The following FBXW11 variants were observed in gnomAD, a reference collection of about 807,000 sequenced individuals.
FBXW11 encodes F-box/WD repeat-containing protein 11.
In FBXW11, 19 loss-of-function variants were observed where a neutral mutation model predicts 77.6. The observed-to-expected ratio is 0.24, with a 90% CI of 0.17 to 0.36. The LOEUF is 0.36. Among genes scored for constraint, FBXW11 ranks in the 10% least tolerant of loss-of-function variants. The probability of loss-of-function intolerance (pLI) is 1.00; values close to 1 mark genes in which losing one functional copy is unlikely to be tolerated. For synonymous variants in FBXW11, 235 were observed against 249.4 expected, an observed-to-expected ratio of 0.94 and a Z score of 0.54; for missense variants, 334 against 704.2, an observed-to-expected ratio of 0.47 and a Z score of 5.95.
chr5:171,949,114 A>G (rs991636103), intron 2 of FBXW11, among the ~76,000 whole-genome samples: 2 of 152,256 alleles, frequency 1.3e-5, no homozygotes, highest in African/African-American at 4.8e-5. Context: ...TTCAAAGTCC[A>G]TATCATCAGT....
intron 1 of FBXW11, among the ~76,000 whole-genome samples, chr5:171,988,583 G>A (rs1436893718): frequency 6.6e-6 from 1 of 152,190 alleles, no homozygotes; most frequent in Non-Finnish European, 1.5e-5. Context: ...GGTGGCTCAC[G>A]CCTGTAATCG....
At chr5:171,913,842 C>CAT (rs1247768263) in intron 3 of FBXW11, among the ~76,000 whole-genome samples, 1 of 150,294 alleles carries the variant, frequency 6.7e-6, no homozygotes, top group African/African-American at 2.4e-5. Context: ...CACACACACA[C>CAT]ACACACACAC....
intron 1 of FBXW11, among the ~76,000 whole-genome samples, chr5:172,002,796 C>G (rs2113623523): frequency 6.8e-6 from 1 of 148,074 alleles, no homozygotes; most frequent in Non-Finnish European, 1.5e-5. Flanking sequence ...CTCCTGGGCT[C>G]AAGCAATCCT....
chr5:171,897,134 T>A (rs1759795578), intron 6 of FBXW11, among the ~76,000 whole-genome samples: 1 of 152,218 alleles, frequency 6.6e-6, no homozygotes, highest in Admixed American at 6.5e-5. Context: ...TTCTAAGGTT[T>A]CCTCAAATTT....
intron 1 of FBXW11, among the ~76,000 whole-genome samples, chr5:171,962,436 T>C (rs977823300): frequency 5.9e-5 from 9 of 152,242 alleles, no homozygotes; most frequent in African/African-American, 2.2e-4. Context: ...TGATTCATAA[T>C]GGGTTGTGAT....
At chr5:171,944,480 C>T (rs1235047840) in intron 2 of FBXW11, among the ~76,000 whole-genome samples, 1 of 143,674 alleles carries the variant, frequency 7.0e-6, no homozygotes, top group African/African-American at 2.6e-5. Flanking sequence ...GAGGCTGAGG[C>T]AGGAGAATGG....
intron 2 of FBXW11, among the ~76,000 whole-genome samples, chr5:171,915,060 C>T (rs796949513): frequency 2.6e-5 from 4 of 152,296 alleles, no homozygotes; most frequent in East Asian, 1.9e-4. Context: ...GTGATCCAGT[C>T]GCTCAATAGA....
chr5:171,899,067 G>C lies in FBXW11; in HGVS notation c.651C>G (p.Pro217=). Residue 217 remains proline (P), a synonymous_variant, in exon 6 of 14, where the codon CCC becomes CCG. Transcript: ENST00000517395. The stretch of plus-strand genomic sequence containing the variant: ...AAAATGAATTTGGAGGGCCATCTGT[G>C]GGTCTGTTTTTAAACAGGTACTGAT... ...GWDQYLFKNR[P]TDGPPNSFYR... is the part of the protein sequence containing the mutation. 2 of 1,609,068 alleles carry C rather than the reference G, an allele frequency of 1.2e-6. No individual in the cohort carries two copies. The highest frequency in any genetic ancestry group is 1.7e-6 in the Non-Finnish European group (2 of 1,178,048).
intron 6 of FBXW11, among the ~76,000 whole-genome samples, chr5:171,894,520 A>C (rs910255893): frequency 2.6e-5 from 4 of 152,150 alleles, no homozygotes; most frequent in African/African-American, 9.7e-5. Flanking sequence ...GAGCCAGATG[A>C]GGGAGTTGAC....
intron 2 of FBXW11, among the ~76,000 whole-genome samples, chr5:171,945,021 T>C (rs553001957): frequency 6.6e-6 from 1 of 152,156 alleles, no homozygotes; most frequent in East Asian, 1.9e-4. Flanking sequence ...TACCAAGCAG[T>C]GAAAAAGAAG....
chr5:171,963,671 AG>A (rs1458150844), intron 1 of FBXW11, among the ~76,000 whole-genome samples: 3 of 152,218 alleles, frequency 2.0e-5, no homozygotes, highest in African/African-American at 7.2e-5. Context: ...TGCAACACAG[AG>A]ATGGAGGTGG....
At chr5:172,005,221 G>T (rs956231582) in intron 1 of FBXW11, among the ~76,000 whole-genome samples, 9 of 152,268 alleles carry the variant, frequency 5.9e-5, no homozygotes, top group Admixed American at 3.9e-4. Flanking sequence ...ATCTGGCTAG[G>T]AAAACATTTT....
intron 2 of FBXW11, among the ~76,000 whole-genome samples, chr5:171,952,405 T>C (rs1763370137): frequency 8.8e-6 from 1 of 113,484 alleles, no homozygotes. Context: ...TATGTGTGTG[T>C]GTGTTGTGTG....
At position 171,868,761 on chromosome 5, in the gene FBXW11, A is replaced by G. The variant is rs1757579238; in HGVS notation, c.1566T>C (p.Asp522=). The part of the protein sequence containing the change: ...HSGRVFRLQF[D]EFQIISSSHD... ...GGGAGCTGCTGATGATCTGAAACTC[A>G]TCAAACTGGAGCCGAAACACACGTC... The change falls in exon 13 of 14, where the codon GAT becomes GAC. Residue 522 remains aspartate, a synonymous_variant. Coordinates refer to ENST00000517395, the MANE Select transcript of FBXW11 (RefSeq NM_001378974.1). 2.5e-6 allele frequency: 4 copies of G among 1,613,874 alleles called. No homozygotes were observed. Among genetic ancestry groups the G allele is most frequent in the Non-Finnish European group, 3.4e-6 (4 of 1,179,896 alleles).
intron 2 of FBXW11, among the ~76,000 whole-genome samples, chr5:171,954,140 T>A (rs551988286): frequency 5.3e-5 from 8 of 152,222 alleles, no homozygotes; most frequent in Non-Finnish European, 1.0e-4. Flanking sequence ...GTCTATTACA[T>A]CATGCTGCTG....
chr5:171,879,015 T>A (rs898344977), intron 7 of FBXW11, among the ~76,000 whole-genome samples: 7 of 152,188 alleles, frequency 4.6e-5, no homozygotes, highest in African/African-American at 1.7e-4. Context: ...TTAAGCATTT[T>A]AAAAATCAGA....
chr5:171,959,873 A>AAAAGG, intron 1 of FBXW11, among the ~76,000 whole-genome samples: 1 of 151,994 alleles, frequency 6.6e-6, no homozygotes. Context: ...AAAAGAAAAG[A>AAAAGG]AAAGAAAAAA....
At chr5:171,986,299 T>G (rs1765437108) in intron 1 of FBXW11, among the ~76,000 whole-genome samples, 1 of 151,442 alleles carries the variant, frequency 6.6e-6, no homozygotes, top group Non-Finnish European at 1.5e-5. Flanking sequence ...TTGCAGCTAC[T>G]CAGAAGGCTG....
In FBXW11 at chr5:171,953,499, CAAAA is replaced by C. The variant is rs201510588; in HGVS notation, c.147+4094_147+4097del. Among the ~76,000 whole-genome samples the C allele has an allele frequency of 6.1e-3, 925 of 152,250 alleles. 6 individuals carry two copies. Among genetic ancestry groups the C allele is most frequent in the African/African-American group, 0.021 (888 of 41,556 alleles). On this transcript the variant is annotated intron_variant, in intron 2 of 13. Coordinates refer to ENST00000517395, the MANE Select transcript of FBXW11 (RefSeq NM_001378974.1). ...TGACCTTAGACAGACCGACCCTGAA[CAAAA>C]ACAGCCTTATCATATGCATGGTCTT...
Sources: allele counts gnomAD v4.1 joint callset (sites outside exome capture counted in the v4.1 genomes callset), GRCh38; gene constraint gnomAD v4.1.1; transcripts MANE v1.5; gene names NCBI Gene and HGNC (gene_info 2026-07-23, HGNC 2026-07-21).